The following UPF2 variants were observed in gnomAD, a reference collection of about 807,000 sequenced individuals.
UPF2 encodes the protein UPF2 regulator of nonsense mediated mRNA decay.
UPF2 carries 17 observed loss-of-function variants against 141.4 expected under a neutral mutation model. The ratio of observed to expected loss-of-function variants is 0.12; its 90% confidence interval spans 0.08 to 0.18. The LOEUF is 0.18. UPF2 is among the 10% of genes least tolerant of loss of function. The pLI is 1.00. For missense variants in UPF2, 1,152 were observed against 1,515.9 expected, an observed-to-expected ratio of 0.76 and a Z score of 3.99; for synonymous variants, 540 against 498.0, an observed-to-expected ratio of 1.08 and a Z score of -1.12.
In UPF2 at chr10:11,967,344, T is replaced by A. The variant is rs772152940; in HGVS notation, c.2064A>T (p.Leu688Phe). Residue 688 changes from leucine to phenylalanine, a missense_variant, in exon 10 of 22, where the codon TTA becomes TTT. This residue lies in a region of UPF2 where 739 missense variants were observed against 1,032.2 expected (regional missense o/e 0.72). Transcript: ENST00000357604. ...MFTKNDTLHC[L>F]KMLLSDFSHH... is the part of the protein sequence containing the mutation. The stretch of plus-strand genomic sequence containing the variant: ...AATCAACTAATTCAGCACTAACCTT[T>A]AAACAATGCAGTGTGTCATTTTTGG... 6.4e-7 allele frequency: 1 copy of A among 1,551,334 alleles called. No individual in the cohort carries two copies. The highest frequency in any genetic ancestry group is 1.2e-5 in the South Asian group (1 of 80,376).
chr10:11,963,305 C>T (rs1180274560), intron 11 of UPF2, among the ~76,000 whole-genome samples: 1 of 151,694 alleles, frequency 6.6e-6, no homozygotes, highest in Non-Finnish European at 1.5e-5. Flanking sequence ...TTTTTATCAT[C>T]CCTCCTATCT....
chr10:11,972,713 C>T (rs556352845), intron 9 of UPF2, among the ~76,000 whole-genome samples: 1 of 152,292 alleles, frequency 6.6e-6, no homozygotes, highest in East Asian at 1.9e-4. Flanking sequence ...GACATGAACT[C>T]ATCCTTTTTT....
In UPF2 at chr10:11,942,668, T is replaced by A; in HGVS notation, c.3375A>T (p.Leu1125=). The A allele has an allele frequency of 6.2e-7, 1 of 1,613,296 alleles. No individual in the cohort carries two copies. ...QALDKMMLEN[L]QQRSGESVKV... ...TGAAACAAATGACATTTAATACCTG[T>A]AGATTTTCTAGCATCATTTTATCCA... Residue 1125 remains leucine, a synonymous_variant, in exon 18 of 22, where the codon CTA becomes CTT. Coordinates refer to ENST00000357604, the MANE Select transcript of UPF2 (RefSeq NM_015542.4).
chr10:11,950,171 C>T (rs1280702069), intron 15 of UPF2, among the ~76,000 whole-genome samples: 1 of 152,018 alleles, frequency 6.6e-6, no homozygotes, highest in Non-Finnish European at 1.5e-5. Flanking sequence ...CTGTCATGAA[C>T]ACATTACTTT....
chr10:12,025,129 C>T (rs1477962689), intron 3 of UPF2, among the ~76,000 whole-genome samples: 1 of 152,074 alleles, frequency 6.6e-6, no homozygotes, highest in East Asian at 1.9e-4. Context: ...ATAGTGGCTG[C>T]TCAAGTTGAA....
At position 11,963,639 on chromosome 10, in the gene UPF2, T is replaced by C. The variant is rs558877223; in HGVS notation, c.2184+370A>G. On this transcript the variant is annotated intron_variant, in intron 11 of 21. Transcript: ENST00000357604. ...TTAATATATTTAAGCTTACATTTTA[T>C]GTGCTTACATGACACATGAATAATG... Among the ~76,000 whole-genome samples the C allele has an allele frequency of 3.9e-5, 6 of 152,352 alleles. No homozygotes were observed. In the East Asian group the frequency reaches 1.2e-3, roughly 29 times the overall value.
Position 11,979,071 on chromosome 10 carries a change from C to T in UPF2, c.1939G>A (p.Asp647Asn). 1 of 1,611,370 alleles carries T rather than the reference C, an allele frequency of 6.2e-7. No homozygotes were observed. The highest frequency in any genetic ancestry group is 8.5e-7 in the Non-Finnish European group (1 of 1,178,012). Residue 647 changes from aspartate to asparagine, a missense_variant, in exon 9 of 22, where the codon GAT (aspartate) becomes AAT (asparagine). Asp to Asn is a conservative substitution (Grantham distance 23). Coordinates refer to ENST00000357604, the MANE Select transcript of UPF2 (RefSeq NM_015542.4). The surrounding 1 kb of genome is among the most constrained non-coding windows in gnomAD (Gnocchi z 6.2). ...AEDLCSMLRGDFRFHVRKKDQ... is the reference protein window; with the variant it reads ...AEDLCSMLRGNFRFHVRKKDQ... Reference sequence around the variant, plus strand: ...TAAATACATACATGAAATCTGAAATCCCCCCTCAGCATGGAACAAAGATCC... The same window carrying T: ...TAAATACATACATGAAATCTGAAATTCCCCCTCAGCATGGAACAAAGATCC...
In UPF2 at chr10:12,037,072, C is replaced by T. The variant is rs193159939; in HGVS notation, c.-18-1631G>A. ...ATTCTATTTTAGAGGTAGAAAATTA[C>T]CTAAATTTCTTAGTTTTATGTTTTC... On this transcript the variant is annotated intron_variant, in intron 1 of 21. Coordinates refer to ENST00000357604, the MANE Select transcript of UPF2 (RefSeq NM_015542.4). Among the ~76,000 whole-genome samples the T allele has an allele frequency of 6.6e-3, 1,004 of 152,178 alleles. 8 individuals are homozygous for T. The highest frequency in any genetic ancestry group is 0.01 in the Middle Eastern group (3 of 294).
chr10:11,968,240 T>C (rs1287080693), intron 9 of UPF2, among the ~76,000 whole-genome samples: 1 of 152,154 alleles, frequency 6.6e-6, no homozygotes, highest in African/African-American at 2.4e-5. Flanking sequence ...AAAATTGCTC[T>C]GTATAACACC....
At chr10:11,978,311 T>C (rs1050481124) in intron 9 of UPF2, among the ~76,000 whole-genome samples, 3 of 152,210 alleles carry the variant, frequency 2.0e-5, no homozygotes, top group East Asian at 1.9e-4. Context: ...CACTTTTCCA[T>C]TGGCTAACTA....
intron 5 of UPF2, among the ~76,000 whole-genome samples, chr10:12,003,974 G>C (rs2131270044): frequency 6.7e-6 from 1 of 149,640 alleles, no homozygotes; most frequent in South Asian, 2.1e-4. Flanking sequence ...GCAAATACAG[G>C]GCAACCAGGT....
Position 11,921,651 on chromosome 10 carries a change from ATGTC to A in UPF2, c.3810-348_3810-345del, listed in dbSNP as rs1032513169. ...ACACCATTTTTTACCAGGGACTTGAATGTCTGTGCATTTTGGTGTCTGAGGGGAT... is the reference window on the plus strand; with the variant it reads ...ACACCATTTTTTACCAGGGACTTGAATGTGCATTTTGGTGTCTGAGGGGAT... On this transcript the variant is annotated intron_variant, in intron 21 of 21. Transcript: ENST00000357604. The surrounding 1 kb of genome is among the most constrained non-coding windows in gnomAD (Gnocchi z 5.9). Among the ~76,000 whole-genome samples, 1 of 152,128 alleles carries A rather than the reference ATGTC, an allele frequency of 6.6e-6. No homozygotes were observed. Among genetic ancestry groups the A allele is most frequent in the South Asian group, 2.1e-4 (1 of 4,828 alleles).
chr10:11,922,916 T>C (rs759551788), intron 21 of UPF2, among the ~76,000 whole-genome samples: 1 of 152,148 alleles, frequency 6.6e-6, no homozygotes, highest in African/African-American at 2.4e-5. Flanking sequence ...TGTGTGCCTA[T>C]AGTCCCAGAT....
At position 12,042,647 on chromosome 10, in the gene UPF2, G is replaced by A. The variant is rs1164509564; in HGVS notation, c.-19+108C>T. 6.6e-6 allele frequency: 1 copy of A among 152,458 alleles called. No individual in the cohort carries two copies. The highest frequency in any genetic ancestry group is 2.4e-5 in the African/African-American group (1 of 41,464). The allele number at this position is 152,458 out of a possible 1,614,324, so 9.4% of individuals were successfully genotyped here. A position where few individuals can be genotyped will look rare whatever the true frequency, so the allele number is the denominator to read the frequency against. Reference sequence around the variant, plus strand: ...GCCGACCCCGGAGAGCTGGAGTGTGGAGTCGCCTCTGGGGTCCCCCAGGGA... The same window carrying A: ...GCCGACCCCGGAGAGCTGGAGTGTGAAGTCGCCTCTGGGGTCCCCCAGGGA... On this transcript the variant is annotated intron_variant, in intron 1 of 21. Coordinates refer to ENST00000357604, the MANE Select transcript of UPF2 (RefSeq NM_015542.4). The surrounding 1 kb of genome is among the most constrained non-coding windows in gnomAD (Gnocchi z 5.5).
intron 8 of UPF2, among the ~76,000 whole-genome samples, chr10:11,990,215 G>A (rs973906254): frequency 6.6e-6 from 1 of 152,190 alleles, no homozygotes; most frequent in Non-Finnish European, 1.5e-5. Context: ...TTCTTTCAAT[G>A]ATAAACACAT....
intron 20 of UPF2, 107 bp from the exon 21 acceptor site, chr10:11,930,092 G>T: frequency 6.7e-7 from 1 of 1,500,460 alleles, no homozygotes; most frequent in Non-Finnish European, 9.0e-7. Context: ...TCCTGTCAGG[G>T]AGCTGACTAA....
At chr10:12,004,087 A>G (rs922256694) in intron 5 of UPF2, among the ~76,000 whole-genome samples, 1 of 152,200 alleles carries the variant, frequency 6.6e-6, no homozygotes. Context: ...ACCGGCATTC[A>G]GAAACTCCCA....
chr10:11,967,545 A>ATTTTTT, intron 9 of UPF2, 91 bp from the exon 10 acceptor site: 1 of 389,196 alleles, frequency 2.6e-6, no homozygotes, highest in East Asian at 5.8e-5. Flanking sequence ...AATTCACTCC[A>ATTTTTT]GTTTTTTTTT....
rs144658143 is a variant in UPF2, at chr10:11,935,193, C to T, written c.3546+1352G>A. Among the ~76,000 whole-genome samples the T allele has an allele frequency of 1.5e-3, 234 of 152,250 alleles. 1 individual carries two copies. The highest frequency in any genetic ancestry group is 5.2e-3 in the African/African-American group (216 of 41,550). ...TCCTGGCATCTCACCATCCGTGTCTCTTTCTATCCTCTTACCCTGCTTTAT... is the reference window on the plus strand; with the variant it reads ...TCCTGGCATCTCACCATCCGTGTCTTTTTCTATCCTCTTACCCTGCTTTAT... On this transcript the variant is annotated intron_variant, in intron 19 of 21. Coordinates refer to ENST00000357604, the MANE Select transcript of UPF2 (RefSeq NM_015542.4). This position sits in a 1 kb window ranked among gnomAD's most constrained non-coding sequence, Gnocchi z 4.9.
Sources: allele counts gnomAD v4.1 joint callset (sites outside exome capture counted in the v4.1 genomes callset), GRCh38; gene constraint gnomAD v4.1.1; regional missense constraint gnomAD v4.1.1; non-coding constraint Gnocchi (gnomAD v3.1); transcripts MANE v1.5; gene names NCBI Gene and HGNC (gene_info 2026-07-23, HGNC 2026-07-21).